KMO: variants seen among roughly 807,000 people sequenced by gnomAD.
KMO encodes the protein kynurenine 3-hydroxylase.
A neutral mutation model predicts 57.8 loss-of-function variants in KMO; 24 were observed. That is an observed-to-expected ratio of 0.42 (90% CI 0.30 to 0.58). The LOEUF is 0.58. KMO is among the 20% of genes least tolerant of loss of function. The pLI, the probability that KMO is intolerant of heterozygous loss-of-function variation, is 0.22. For synonymous variants in KMO, 210 were observed against 193.6 expected (o/e 1.08, Z -0.70); for missense variants, 483 against 588.2 (o/e 0.82, Z 1.85).
chr1:241,564,662 C>T (rs1662007861), intron 7 of KMO, among the ~76,000 whole-genome samples: 1 of 151,768 alleles, frequency 6.6e-6, no homozygotes, highest in Non-Finnish European at 1.5e-5. Context: ...TACATATATA[C>T]CAGGTATAAT....
Position 241,532,478 on chromosome 1 carries a change from G to C in KMO, c.34G>C (p.Ala12Pro). 6.2e-7 allele frequency: 1 copy of C among 1,610,236 alleles called. No homozygotes were observed. The change falls in exon 1 of 15, where the codon GCT becomes CCT. Residue 12 changes from alanine to proline, a missense_variant. Physicochemically the swap from Ala to Pro is conservative, Grantham distance 27 (BLOSUM62 -1). This residue lies in a region of KMO where 70 missense variants were observed against 78.4 expected (regional missense o/e 0.89). Coordinates refer to ENST00000366559, the MANE Select transcript of KMO (RefSeq NM_003679.5). ...DSSVIQRKKV[A>P]VIGGGLVGSL... Reference sequence around the variant, plus strand: ...ATCTGTCATTCAAAGGAAAAAAGTAGCTGTCATTGGTGGTGGCTTGGTAAG... The same window carrying C: ...ATCTGTCATTCAAAGGAAAAAAGTACCTGTCATTGGTGGTGGCTTGGTAAG...
At chr1:241,574,862 G>A (rs1662447763) in intron 10 of KMO, among the ~76,000 whole-genome samples, 1 of 151,954 alleles carries the variant, frequency 6.6e-6, no homozygotes, top group Admixed American at 6.6e-5. Context: ...TTGAATGTCT[G>A]GTAAAATGCA....
At chr1:241,583,673 T>C (rs1164629287) in intron 10 of KMO, among the ~76,000 whole-genome samples, 1 of 152,214 alleles carries the variant, frequency 6.6e-6, no homozygotes, top group Non-Finnish European at 1.5e-5. Context: ...ATGTCATGTA[T>C]ATAATTGTTA....
rs763535646 is a variant in KMO, at chr1:241,594,446, G to T, written c.*2293G>T. On this transcript the variant is annotated 3_prime_UTR_variant, in exon 15 of 15. Coordinates refer to ENST00000366559, the MANE Select transcript of KMO (RefSeq NM_003679.5). ...TTCATTCCTACAAAGGACGAACTTG[G>T]ATTACATCAACTTTGGACCCATTGG... is the stretch of plus-strand genomic sequence containing the variant. The T allele has an allele frequency of 3.7e-6, 6 of 1,613,244 alleles. No individual in the cohort carries two copies. The highest frequency in any genetic ancestry group is 1.3e-5 in the African/African-American group (1 of 75,004).
At chr1:241,562,552 G>A (rs1011028465) in intron 7 of KMO, among the ~76,000 whole-genome samples, 1 of 151,680 alleles carries the variant, frequency 6.6e-6, no homozygotes, top group African/African-American at 2.4e-5. Flanking sequence ...GAAAAAGAAA[G>A]GAGCAGTCTG....
At chr1:241,555,914 TA>T (rs1266293253) in intron 5 of KMO, 2 of 315,306 alleles carry the variant, frequency 6.3e-6, no homozygotes, top group Admixed American at 4.7e-5. Flanking sequence ...GGAGAGACGC[TA>T]TCACTACAAA....
chr1:241,536,633 G>A, intron 1 of KMO: 1 of 265,502 alleles, frequency 3.8e-6, no homozygotes. Flanking sequence ...CACTATTCTA[G>A]CATGTATTTT....
intron 4 of KMO, among the ~76,000 whole-genome samples, chr1:241,555,004 C>G (rs6658805): frequency 0.53 from 80,778 of 151,408 alleles, 21,767 homozygotes; most frequent in Non-Finnish European, 0.58. Flanking sequence ...AAGTATTGTA[C>G]GCCCATAGGC....
intron 1 of KMO, among the ~76,000 whole-genome samples, 175 bp from the exon 2 acceptor site, chr1:241,548,654 T>G (rs1233057245): frequency 6.6e-6 from 1 of 152,016 alleles, no homozygotes; most frequent in East Asian, 1.9e-4. Flanking sequence ...TTTTTGCCAC[T>G]GATACTTTTC....
chr1:241,593,668 G>C lies in KMO; in HGVS notation c.*1515G>C, dbSNP rs1663399955. 1 of 169,572 alleles carries C rather than the reference G, an allele frequency of 5.9e-6. No individual in the cohort carries two copies. Among genetic ancestry groups the C allele is most frequent in the Admixed American group, 5.7e-5 (1 of 17,506 alleles). The allele number at this position is 169,572 out of a possible 1,614,324, so 10.5% of individuals were successfully genotyped here. A position where few individuals can be genotyped will look rare whatever the true frequency, so the allele number is the denominator to read the frequency against. On this transcript the variant is annotated 3_prime_UTR_variant, in exon 15 of 15. Coordinates refer to ENST00000366559, the MANE Select transcript of KMO (RefSeq NM_003679.5). Reference sequence around the variant, plus strand: ...TGTAATATATATGTGGGAAATACAGGGGAATGAGCAAATCTCAAAGAGCTG... The same window carrying C: ...TGTAATATATATGTGGGAAATACAGCGGAATGAGCAAATCTCAAAGAGCTG...
chr1:241,575,984 G>C (rs1201086590), intron 10 of KMO, among the ~76,000 whole-genome samples: 1 of 150,298 alleles, frequency 6.7e-6, no homozygotes, highest in African/African-American at 2.4e-5. Context: ...ATCTACTTGT[G>C]GGATCAATCC....
intron 1 of KMO, among the ~76,000 whole-genome samples, chr1:241,545,271 C>A (rs139272473): frequency 6.6e-6 from 1 of 152,192 alleles, no homozygotes; most frequent in Non-Finnish European, 1.5e-5. Flanking sequence ...TAGAATCACT[C>A]TAAAGATGTA....
intron 1 of KMO, among the ~76,000 whole-genome samples, chr1:241,540,620 G>T (rs568219894): frequency 2.0e-5 from 3 of 152,174 alleles, no homozygotes; most frequent in African/African-American, 7.2e-5. Context: ...GATAGTGCAT[G>T]AGAATAGTGC....
intron 2 of KMO, 37 bp downstream of exon 2, chr1:241,548,935 G>T (rs770220520): frequency 7.1e-7 from 1 of 1,403,758 alleles, no homozygotes; most frequent in Non-Finnish European, 1.0e-6. Context: ...TGAACGCTGG[G>T]CACGGTGGCT....
intron 10 of KMO, among the ~76,000 whole-genome samples, chr1:241,568,858 A>G (rs1226144791): frequency 6.6e-6 from 1 of 152,140 alleles, no homozygotes; most frequent in Non-Finnish European, 1.5e-5. Context: ...AAAAAAGCAG[A>G]AAGCATAGCG....
At chr1:241,565,080 A>G (rs1312371724) in intron 8 of KMO, 22 bp downstream of exon 8, 14 of 1,403,556 alleles carry the variant, frequency 1.0e-5, no homozygotes, top group Non-Finnish European at 1.4e-5. Context: ...TTTTTTATCA[A>G]CTGTAATTTT....
At position 241,592,031 on chromosome 1, in the gene KMO, C is replaced by T. The variant is rs764542822; in HGVS notation, c.1339C>T (p.Pro447Ser). ...CTACCTACTTATACACTACATGTCA[C>T]CACGATCTTTCCTCCGCTTGAGAAG... Reference protein sequence around the residue: ...STYLLIHYMSPRSFLRLRRPW... With the variant: ...STYLLIHYMSSRSFLRLRRPW... The change falls in exon 15 of 15, where the codon CCA (proline) becomes TCA (serine). Residue 447 changes from proline (P) to serine (S), a missense_variant. By Grantham distance (74) the Pro-to-Ser change is moderately conservative. Around this residue, in one of 3 missense-constraint regions of KMO, gnomAD observed 410 missense variants for 492.3 expected, o/e 0.83. Coordinates refer to ENST00000366559, the MANE Select transcript of KMO (RefSeq NM_003679.5). 1 of 1,613,952 alleles carries T rather than the reference C, an allele frequency of 6.2e-7. No individual in the cohort carries two copies. The highest frequency in any genetic ancestry group is 1.1e-5 in the South Asian group (1 of 91,068).
intron 10 of KMO, among the ~76,000 whole-genome samples, chr1:241,577,784 TA>T (rs753985805): frequency 9.2e-5 from 14 of 152,054 alleles, no homozygotes; most frequent in Non-Finnish European, 1.8e-4. Context: ...AGCAGGTGGG[TA>T]AATGCAATAT....
At chr1:241,539,726 A>G (rs1660889863) in intron 1 of KMO, among the ~76,000 whole-genome samples, 1 of 152,146 alleles carries the variant, frequency 6.6e-6, no homozygotes, top group Admixed American at 6.5e-5. Flanking sequence ...TTGTTTTCTC[A>G]TTCCCCTGTT....
Sources: gnomAD v4.1 joint callset for allele counts (sites outside exome capture counted in the v4.1 genomes callset) on GRCh38, gnomAD v4.1.1 for gene constraint, gnomAD v4.1.1 regional missense constraint, MANE v1.5 for transcripts, NCBI Gene and HGNC (gene_info 2026-07-23, HGNC 2026-07-21) for gene names.